LIN9: variants seen among roughly 807,000 people sequenced by gnomAD.
LIN9 encodes lin-9 DREAM MuvB core complex component, also known as protein lin-9 homolog.
A neutral mutation model predicts 78.0 loss-of-function variants in LIN9; 18 were observed. The observed-to-expected ratio is 0.23, with a 90% confidence interval of 0.16 to 0.34. The LOEUF (loss-of-function observed/expected upper bound fraction) is 0.34, where lower values mean the gene tolerates loss of function less well. LIN9 is among the 10% of genes least tolerant of loss of function. LIN9 has a pLI of 1.00. For synonymous variants in LIN9, 192 were observed against 215.2 expected, an observed-to-expected ratio of 0.89 and a Z score of 0.94; for missense variants, 451 against 644.1, an observed-to-expected ratio of 0.70 and a Z score of 3.25.
chr1:226,273,374 AAGGAACTGGAACTAC>A (rs1660431859), intron 7 of LIN9, among the ~76,000 whole-genome samples: 1 of 147,634 alleles, frequency 6.8e-6, no homozygotes, highest in Admixed American at 7.0e-5. Flanking sequence ...TCAGCCTTCC[AAGGAACTGGAACTAC>A]AGGAGCACAA....
intron 10 of LIN9, among the ~76,000 whole-genome samples, chr1:226,260,835 C>T (rs1485243116): frequency 7.9e-5 from 12 of 151,342 alleles, no homozygotes; most frequent in African/African-American, 1.5e-4. Context: ...TTAGTAGAGA[C>T]GGGGTTTCAC....
At chr1:226,302,459 C>T (rs1012485927) in intron 1 of LIN9, among the ~76,000 whole-genome samples, 88 of 151,058 alleles carry the variant, frequency 5.8e-4, no homozygotes, top group African/African-American at 2.1e-3. Flanking sequence ...GGGAGAATGG[C>T]GTGAGCCCAC....
chr1:226,297,851 A>G lies in LIN9; in HGVS notation c.65-38T>C, dbSNP rs371428502. The G allele has an allele frequency of 2.0e-5, 24 of 1,213,190 alleles. No individual in the cohort carries two copies. In the East Asian group the frequency reaches 2.2e-4, roughly 11 times the overall value. 75.2% of individuals were successfully genotyped at this position (1,213,190 alleles called of 1,614,324 possible). On this transcript the variant is annotated intron_variant, in intron 2 of 14. Transcript: ENST00000681046. ...GTTAATACTAATGGAATTTTGGCTTAGTTCAAAGGATTTCATACCATGAAT... is the reference window on the plus strand; with the variant it reads ...GTTAATACTAATGGAATTTTGGCTTGGTTCAAAGGATTTCATACCATGAAT...
At chr1:226,303,677 C>T (rs1662709620) in intron 1 of LIN9, among the ~76,000 whole-genome samples, 2 of 152,270 alleles carry the variant, frequency 1.3e-5, no homozygotes, top group South Asian at 4.1e-4. Flanking sequence ...GCAATCTCAG[C>T]TCACTGCAAC....
intron 11 of LIN9, among the ~76,000 whole-genome samples, chr1:226,241,391 C>G (rs1400870569): frequency 6.6e-6 from 1 of 152,082 alleles, no homozygotes; most frequent in Non-Finnish European, 1.5e-5. Context: ...ACTAGTTAAT[C>G]AAAATCAAAA....
At chr1:226,266,583 T>TA (rs371915699) in intron 8 of LIN9, among the ~76,000 whole-genome samples, 21 of 119,424 alleles carry the variant, frequency 1.8e-4, no homozygotes, top group South Asian at 6.2e-4. Context: ...AAAAAAGAAA[T>TA]AAAAAAAAAG....
chr1:226,295,833 C>G lies in LIN9; in HGVS notation c.264+9G>C, dbSNP rs1576354394. The G allele has an allele frequency of 6.4e-7, 1 of 1,565,080 alleles. No individual in the cohort carries two copies. The highest frequency in any genetic ancestry group is 8.7e-7 in the Non-Finnish European group (1 of 1,151,798). ...TTTCCAATGAAACAAAATTTTAGCA[C>G]ACACATACCTGTGGAACCATTGCAA... On this transcript the variant is annotated intron_variant, in intron 4 of 14. Transcript: ENST00000681046.
chr1:226,296,820 A>T (rs1489934775), intron 3 of LIN9, among the ~76,000 whole-genome samples: 1 of 152,160 alleles, frequency 6.6e-6, no homozygotes, highest in Non-Finnish European at 1.5e-5. Context: ...CAGGAGCTGG[A>T]AACCAGCCTG....
At chr1:226,287,632 G>A (rs926754017) in intron 5 of LIN9, 32 bp downstream of exon 5, 2 of 1,430,844 alleles carry the variant, frequency 1.4e-6, no homozygotes, top group African/African-American at 3.0e-5. Context: ...TCTGATTCAA[G>A]TAATATTCAT....
chr1:226,270,417 G>A (rs532244152), intron 7 of LIN9, among the ~76,000 whole-genome samples: 62 of 152,214 alleles, frequency 4.1e-4, no homozygotes, highest in African/African-American at 1.4e-3. Flanking sequence ...GAAATATCAA[G>A]TTTTCCACCA....
At position 226,287,807 on chromosome 1, in the gene LIN9, A is replaced by T. The variant is rs779404176; in HGVS notation, c.265-10T>A. ...TTGTTGCTGTAAATTTCTATACAAT[A>T]AAAAAAAGAGATTAATTTATGGCTC... is the stretch of plus-strand genomic sequence containing the variant. On this transcript the variant is annotated splice_polypyrimidine_tract_variant and intron_variant, in intron 4 of 14. Transcript: ENST00000681046. The T allele has an allele frequency of 7.9e-6, 12 of 1,513,856 alleles. No homozygotes were observed. Among genetic ancestry groups the T allele is most frequent in the Middle Eastern group, 1.9e-4 (1 of 5,272 alleles). 93.8% of individuals were successfully genotyped at this position (1,513,856 alleles called of 1,614,324 possible). A position where few individuals can be genotyped will look rare whatever the true frequency, so the allele number is the denominator to read the frequency against.
chr1:226,289,835 G>GGT (rs61469468), intron 4 of LIN9, among the ~76,000 whole-genome samples: 1 of 23,332 alleles, frequency 4.3e-5, no homozygotes, highest in Non-Finnish European at 7.5e-5. Context: ...GTAGTCCTCC[G>GGT]GGGGGGGGGG....
chr1:226,246,149 T>C (rs548841998), intron 11 of LIN9, among the ~76,000 whole-genome samples: 1 of 152,322 alleles, frequency 6.6e-6, no homozygotes, highest in African/African-American at 2.4e-5. Flanking sequence ...TTCATGTTTC[T>C]TTTACAAACT....
chr1:226,308,872 C>G (rs1462486202), intron 1 of LIN9: 3 of 298,852 alleles, frequency 1.0e-5, no homozygotes, highest in Non-Finnish European at 1.8e-5. Context: ...AGGCTGGACT[C>G]CCGGGCTCTC....
chr1:226,281,372 GA>G (rs1661039974), intron 6 of LIN9, among the ~76,000 whole-genome samples: 1 of 151,884 alleles, frequency 6.6e-6, no homozygotes, highest in Admixed American at 6.6e-5. Context: ...GAGATAGAAG[GA>G]ATAAGTTCTA....
Position 226,273,818 on chromosome 1 carries a change from C to T in LIN9, c.682+3957G>A, listed in dbSNP as rs147262481. ...CCACAATGGGCTAGGAACTACAATGCTCCCTCTCAACATTACTTTTTTTTT... is the reference window on the plus strand; with the variant it reads ...CCACAATGGGCTAGGAACTACAATGTTCCCTCTCAACATTACTTTTTTTTT... On this transcript the variant is annotated intron_variant, in intron 7 of 14. Transcript: ENST00000681046. Among the ~76,000 whole-genome samples, 1,313 of 150,254 alleles carry T rather than the reference C, an allele frequency of 8.7e-3. 6 individuals are homozygous for T. The highest frequency in any genetic ancestry group is 0.013 in the Non-Finnish European group (855 of 67,806).
At chr1:226,263,957 G>A (rs1354514770) in intron 10 of LIN9, among the ~76,000 whole-genome samples, 2 of 152,050 alleles carry the variant, frequency 1.3e-5, no homozygotes, top group African/African-American at 2.4e-5. Flanking sequence ...CATGCCTGCA[G>A]TCTCAGCTAC....
In LIN9 at chr1:226,301,209, C is replaced by T. The variant is rs2102674450; in HGVS notation, c.32-4G>A. Reference sequence around the variant, plus strand: ...ACAAGGGCTTTTGCTGAAGAGCCTGCAATTAAAAATAAAACAAATCAATAA... The same window carrying T: ...ACAAGGGCTTTTGCTGAAGAGCCTGTAATTAAAAATAAAACAAATCAATAA... On this transcript the variant is annotated splice_polypyrimidine_tract_variant and splice_region_variant and intron_variant, in intron 1 of 14. Coordinates refer to ENST00000681046, the MANE Select transcript of LIN9 (RefSeq NM_001366245.2). 1.3e-6 allele frequency: 2 copies of T among 1,598,462 alleles called. No homozygotes were observed. Among genetic ancestry groups the T allele is most frequent in the Non-Finnish European group, 8.5e-7 (1 of 1,175,816 alleles).
chr1:226,275,691 C>CAAA (rs1315376373), intron 7 of LIN9, among the ~76,000 whole-genome samples: 9 of 43,402 alleles, frequency 2.1e-4, no homozygotes, highest in East Asian at 6.7e-4. Context: ...GACTCCGTCT[C>CAAA]AGAAAAAAAA....
Sources: allele counts gnomAD v4.1 joint callset (sites outside exome capture counted in the v4.1 genomes callset), GRCh38; gene constraint gnomAD v4.1.1; transcripts MANE v1.5; gene names NCBI Gene and HGNC (gene_info 2026-07-23, HGNC 2026-07-21).